Variants in SLC24A1 observed in about 807,000 individuals in gnomAD.
SLC24A1 encodes solute carrier family 24 member 1.
In SLC24A1, 52 loss-of-function variants were observed where a neutral mutation model predicts 88.1. That is an observed-to-expected ratio of 0.59 (90% CI 0.47 to 0.74). The LOEUF (loss-of-function observed/expected upper bound fraction) is 0.74. SLC24A1 is among the 30% of genes least tolerant of loss of function. The pLI, the probability that SLC24A1 is intolerant of heterozygous loss-of-function variation, is 0.00. For synonymous variants in SLC24A1, 455 were observed against 498.0 expected (o/e 0.91, Z 1.15); for missense variants, 1,173 against 1,363.3 (o/e 0.86, Z 2.20).
rs1419118962 is a variant in SLC24A1, at chr15:65,655,006, C to G, written c.*927C>G. The G allele has an allele frequency of 8.6e-6, 9 of 1,042,478 alleles. No homozygotes were observed. Among genetic ancestry groups the G allele is most frequent in the Non-Finnish European group, 1.0e-5 (9 of 863,290 alleles). The allele number at this position is 1,042,478 out of a possible 1,614,324, so 64.6% of individuals were successfully genotyped here. A position where few individuals can be genotyped will look rare whatever the true frequency, so the allele number is the denominator to read the frequency against. On this transcript the variant is annotated 3_prime_UTR_variant, in exon 10 of 10. Coordinates refer to ENST00000261892, the MANE Select transcript of SLC24A1 (RefSeq NM_004727.3). Reference sequence around the variant, plus strand: ...TGAAAAATAAAAATTTATAATTTGCCCTTGAATTGGAAGGAATGGAGATTA... The same window carrying G: ...TGAAAAATAAAAATTTATAATTTGCGCTTGAATTGGAAGGAATGGAGATTA...
rs1217590289 is a variant in SLC24A1 at position 65,624,607 on chromosome 15, G to C, written c.527G>C (p.Ser176Thr). 1 of 1,594,176 alleles carries C rather than the reference G, an allele frequency of 6.3e-7. No homozygotes were observed. Among genetic ancestry groups the C allele is most frequent in the African/African-American group, 1.3e-5 (1 of 74,384 alleles). Residue 176 changes from serine to threonine, a missense_variant, in exon 2 of 10, where the codon AGC becomes ACC. Physicochemically the swap from Ser to Thr is moderately conservative, Grantham distance 58 (BLOSUM62 1). Coordinates refer to ENST00000261892, the MANE Select transcript of SLC24A1 (RefSeq NM_004727.3). Reference protein sequence around the residue: ...YTPTPRGEMKSYSPTQVREKV... With the variant: ...YTPTPRGEMKTYSPTQVREKV... Reference sequence around the variant, plus strand: ...CCAACACCCAGGGGAGAAATGAAGAGCTACAGCCCAACTCAAGTGAGGGAA... The same window carrying C: ...CCAACACCCAGGGGAGAAATGAAGACCTACAGCCCAACTCAAGTGAGGGAA...
chr15:65,649,928 T>C (rs2075438439), intron 6 of SLC24A1, among the ~76,000 whole-genome samples: 2 of 152,188 alleles, frequency 1.3e-5, no homozygotes, highest in South Asian at 2.1e-4. Flanking sequence ...CCTCCTGGGA[T>C]ATAAGCTAAT....
At chr15:65,614,603 G>GT (rs2074076352) in intron 2 of SLC24A1, among the ~76,000 whole-genome samples, 1 of 152,084 alleles carries the variant, frequency 6.6e-6, no homozygotes, top group Admixed American at 6.6e-5. Context: ...TCCTCTTTCA[G>GT]TTTTTTCCAG....
At position 65,624,921 on chromosome 15, in the gene SLC24A1, C is replaced by A. The variant is rs376692252; in HGVS notation, c.841C>A (p.Leu281Met). 6.2e-7 allele frequency: 1 copy of A among 1,613,336 alleles called. No homozygotes were observed. The highest frequency in any genetic ancestry group is 8.5e-7 in the Non-Finnish European group (1 of 1,179,700). The change falls in exon 2 of 10, where the codon CTG (leucine) becomes ATG (methionine). Residue 281 changes from leucine (L) to methionine (M), a missense_variant. Leu to Met is a conservative substitution (Grantham distance 15). Coordinates refer to ENST00000261892, the MANE Select transcript of SLC24A1 (RefSeq NM_004727.3). ...SPRSVMEKNN[L>M]FPPRRVESNS... The stretch of plus-strand genomic sequence containing the variant: ...AAGGAGCGTCATGGAAAAAAACAAC[C>A]TGTTTCCCCCCAGAAGAGTGGAAAG...
At position 65,654,790 on chromosome 15, in the gene SLC24A1, T is replaced by C. The variant is rs764446671; in HGVS notation, c.*711T>C. ...GCGTGATCTCGGCACACCACAACCT[T>C]CACCTCCCCGGTTCAAGCAATTCTC... On this transcript the variant is annotated 3_prime_UTR_variant, in exon 10 of 10. Transcript: ENST00000261892. The C allele has an allele frequency of 1.1e-5, 12 of 1,051,974 alleles. No individual in the cohort carries two copies. The African/African-American group carries it at 1.8e-4, about 16-fold the overall frequency. The allele number at this position is 1,051,974 out of a possible 1,614,324, so 65.2% of individuals were successfully genotyped here. A position where few individuals can be genotyped will look rare whatever the true frequency, so the allele number is the denominator to read the frequency against.
intron 5 of SLC24A1, 105 bp downstream of exon 5, chr15:65,644,618 C>T (rs1243838221): frequency 1.3e-6 from 1 of 755,680 alleles, no homozygotes; most frequent in Non-Finnish European, 2.3e-6. Flanking sequence ...GGGGCTGAGG[C>T]ACATCTTTGG....
chr15:65,651,878 G>T (rs1282582729), intron 8 of SLC24A1, 119 bp downstream of exon 8: 2 of 701,694 alleles, frequency 2.9e-6, no homozygotes, highest in Non-Finnish European at 5.3e-6. Context: ...CAGTTTCTAT[G>T]TTGTTTGTAA....
rs1172424984 is a variant in SLC24A1, at chr15:65,654,300, C to T, written c.*221C>T. The T allele has an allele frequency of 2.2e-6, 3 of 1,359,746 alleles. No individual in the cohort carries two copies. The highest frequency in any genetic ancestry group is 2.9e-5 in the African/African-American group (2 of 68,462). 84.2% of individuals were successfully genotyped at this position (1,359,746 alleles called of 1,614,324 possible). ...CACCCCTGGAGGGGTGGAGTTTCTA[C>T]CCCTGACTCATGCAGACATCTATTA... On this transcript the variant is annotated 3_prime_UTR_variant, in exon 10 of 10. Coordinates refer to ENST00000261892, the MANE Select transcript of SLC24A1 (RefSeq NM_004727.3).
At chr15:65,618,971 CCT>C (rs1398684076), upstream of SLC24A1, 2 of 152,258 alleles carry the variant, frequency 1.3e-5, no homozygotes, top group Admixed American at 6.5e-5. Context: ...CCTGCATCCC[CCT>C]GTCTCAGGTA....
Position 65,650,789 on chromosome 15 carries a change from A to AGAGGAGGAGGAG in SLC24A1, c.2649_2660dup (p.Glu887_Glu890dup). The AGAGGAGGAGGAG allele has an allele frequency of 3.7e-6, 6 of 1,608,676 alleles. No homozygotes were observed. The highest frequency in any genetic ancestry group is 5.1e-6 in the Non-Finnish European group (6 of 1,177,192). ...AGGAGGAGGAGGAAGAGCAGGAGGA[A>AGAGGAGGAGGAG]GAGGAGGAGGAGGAGGAGGAAGAGG... is the stretch of plus-strand genomic sequence containing the variant. On this transcript the variant is annotated inframe_insertion, in exon 7 of 10. Coordinates refer to ENST00000261892, the MANE Select transcript of SLC24A1 (RefSeq NM_004727.3). The surrounding 1 kb of genome is among the most constrained non-coding windows in gnomAD (Gnocchi z 4.1).
At chr15:65,658,112 A>C (rs1428957942), downstream of SLC24A1, 1 of 152,246 alleles carries the variant, frequency 6.6e-6, no homozygotes, top group Non-Finnish European at 1.5e-5. Context: ...GCACATGCGC[A>C]GACTTTTGTA....
rs777042260 is a variant in SLC24A1, at chr15:65,656,112, G to T, written c.*2033G>T. ...AACCTGGTGTCTGCAGCCCGTTCCC[G>T]TTAGCCTCGGGGATGTCACCTCACC... On this transcript the variant is annotated 3_prime_UTR_variant, in exon 10 of 10. Coordinates refer to ENST00000261892, the MANE Select transcript of SLC24A1 (RefSeq NM_004727.3). 1.0e-6 allele frequency: 1 copy of T among 985,310 alleles called. No individual in the cohort carries two copies. Among genetic ancestry groups the T allele is most frequent in the Non-Finnish European group, 1.2e-6 (1 of 829,944 alleles). 61.0% of individuals were successfully genotyped at this position (985,310 alleles called of 1,614,324 possible). A position where few individuals can be genotyped will look rare whatever the true frequency, so the allele number is the denominator to read the frequency against.
chr15:65,613,378 C>T (rs191442170), intron 2 of SLC24A1, among the ~76,000 whole-genome samples: 6 of 152,124 alleles, frequency 3.9e-5, no homozygotes, highest in African/African-American at 1.2e-4. Flanking sequence ...TCCCAGAGCA[C>T]GTGTTGAAAA....
intron 2 of SLC24A1, among the ~76,000 whole-genome samples, chr15:65,628,964 G>T (rs901207525): frequency 2.6e-5 from 4 of 152,190 alleles, no homozygotes; most frequent in African/African-American, 7.2e-5. Flanking sequence ...AACTTTTTCG[G>T]TAAAGGGCCA....
In SLC24A1 at chr15:65,625,320, GC is replaced by G. The variant is rs1486015002; in HGVS notation, c.1243del (p.Leu415CysfsTer48). The G allele has an allele frequency of 3.7e-6, 6 of 1,613,902 alleles. No individual in the cohort carries two copies. Among genetic ancestry groups the G allele is most frequent in the Non-Finnish European group, 5.1e-6 (6 of 1,179,894 alleles). ...CACTCCCTCCCCAAGCCTCACAACA[GC>G]CCTGCTCCCAGAGGAGCTCAGTCCT... is the stretch of plus-strand genomic sequence containing the variant. ...LTTPSPSLTT[A>X]LLPEELSPSP... On this transcript the variant is annotated frameshift_variant, in exon 2 of 10. Coordinates refer to ENST00000261892, the MANE Select transcript of SLC24A1 (RefSeq NM_004727.3). LOFTEE classifies it high-confidence loss of function.
At position 65,650,821 on chromosome 15, in the gene SLC24A1, A is replaced by G. The variant is rs1257916865; in HGVS notation, c.2672A>G (p.Lys891Arg). The G allele has an allele frequency of 6.2e-7, 1 of 1,613,654 alleles. No homozygotes were observed. ...EEEEEEEEEE[K>R]GNEEPLSLDW... ...GAGGAGGAGGAGGAAGAGGAGGAGA[A>G]GGGAAATGAAGAGCCTCTGTCCCTG... is the stretch of plus-strand genomic sequence containing the variant. Residue 891 changes from lysine (K) to arginine (R), a missense_variant, in exon 7 of 10, where the codon AAG becomes AGG. Coordinates refer to ENST00000261892, the MANE Select transcript of SLC24A1 (RefSeq NM_004727.3). This position sits in a 1 kb window ranked among gnomAD's most constrained non-coding sequence, Gnocchi z 4.1.
chr15:65,654,007 C>G lies in SLC24A1; in HGVS notation c.3228C>G (p.Leu1076=). ...AGATCCTGGGCTTCACAATGTTCCT[C>G]CTTTACTTTGTATTCCTGATAATCA... ...MNKILGFTMF[L]LYFVFLIISV... is the part of the protein sequence containing the mutation. The change falls in exon 10 of 10, where the codon CTC becomes CTG. Residue 1076 remains leucine, a synonymous_variant. Transcript: ENST00000261892. The G allele has an allele frequency of 6.2e-7, 1 of 1,613,532 alleles. No homozygotes were observed. Among genetic ancestry groups the G allele is most frequent in the Non-Finnish European group, 8.5e-7 (1 of 1,179,452 alleles).
intron 3 of SLC24A1, among the ~76,000 whole-genome samples, chr15:65,638,790 A>G (rs1373721494): frequency 1.3e-5 from 2 of 152,082 alleles, no homozygotes; most frequent in Non-Finnish European, 2.9e-5. Context: ...ATGGCAGAAG[A>G]GTTCAGATCA....
chr15:65,636,534 A>G (rs2074940665), intron 2 of SLC24A1, among the ~76,000 whole-genome samples: 1 of 151,916 alleles, frequency 6.6e-6, no homozygotes, highest in Non-Finnish European at 1.5e-5. Flanking sequence ...ATGAGCCATG[A>G]TTGTGCTACT....
Sources: allele counts gnomAD v4.1 joint callset (sites outside exome capture counted in the v4.1 genomes callset), GRCh38; gene constraint gnomAD v4.1.1; non-coding constraint Gnocchi (gnomAD v3.1); transcripts MANE v1.5; gene names NCBI Gene and HGNC (gene_info 2026-07-23, HGNC 2026-07-21).